The following PLXND1 variants were observed in gnomAD, a reference collection of about 807,000 sequenced individuals.
PLXND1 encodes plexin D1, also known as plexin-D1.
PLXND1 carries 54 observed loss-of-function variants against 197.7 expected under a neutral mutation model. The observed-to-expected ratio is 0.27, with a 90% CI of 0.22 to 0.34. PLXND1 has a LOEUF of 0.34. Among genes scored for constraint, PLXND1 ranks in the 10% least tolerant of loss-of-function variants. The pLI is 1.00. For missense variants in PLXND1, 2,127 were observed against 2,699.2 expected, an observed-to-expected ratio of 0.79 and a Z score of 4.70; for synonymous variants, 1,180 against 1,161.2, an observed-to-expected ratio of 1.02 and a Z score of -0.33.
At chr3:129,567,219 A>AG (rs1297834424) in intron 22 of PLXND1, among the ~76,000 whole-genome samples, 1 of 152,104 alleles carries the variant, frequency 6.6e-6, no homozygotes, top group Non-Finnish European at 1.5e-5. Flanking sequence ...CACCTTGAAA[A>AG]GGGGAGAGGC....
chr3:129,595,352 G>A (rs1029790712), intron 1 of PLXND1, among the ~76,000 whole-genome samples: 2 of 152,336 alleles, frequency 1.3e-5, no homozygotes, highest in Admixed American at 6.5e-5. Context: ...GGACGGACTC[G>A]GTCCTGGGTG....
intron 34 of PLXND1, 148 bp from the exon 35 acceptor site, chr3:129,556,839 G>A (rs2084981547): frequency 3.4e-5 from 24 of 709,594 alleles, no homozygotes; most frequent in South Asian, 3.0e-4. Context: ...TCCCATGGAC[G>A]AAGACGGCTT....
At position 129,605,572 on chromosome 3, in the gene PLXND1, G is replaced by A. The variant is rs977067886; in HGVS notation, c.1068C>T (p.Ser356=). The change falls in exon 1 of 36, where the codon AGC becomes AGT. Residue 356 remains serine (S), a synonymous_variant. Coordinates refer to ENST00000324093, the MANE Select transcript of PLXND1 (RefSeq NM_015103.3). ...AGGAGRGDLY[S]RLVSVFPARE... ...GGGCTGGGAAGACCGACACCAGGCG[G>A]CTGTAGAGGTCGCCGCGGCCCGCGC... 7 of 1,534,274 alleles carry A rather than the reference G, an allele frequency of 4.6e-6. No homozygotes were observed. The highest frequency in any genetic ancestry group is 2.8e-5 in the African/African-American group (2 of 71,818).
At position 129,586,081 on chromosome 3, in the gene PLXND1, C is replaced by T. The variant is rs1578343910; in HGVS notation, c.1722G>A (p.Arg574=). 1.2e-6 allele frequency: 2 copies of T among 1,613,820 alleles called. No individual in the cohort carries two copies. Among genetic ancestry groups the T allele is most frequent in the Non-Finnish European group, 1.7e-6 (2 of 1,179,966 alleles). The change falls in exon 5 of 36, where the codon CGG becomes CGA. Residue 574 remains arginine (R), a splice_region_variant and synonymous_variant. Coordinates refer to ENST00000324093, the MANE Select transcript of PLXND1 (RefSeq NM_015103.3). ...TGGTGCAGTCCTGCTGCAAGGTGCA[C>T]CTGGGGTGGCACCGCAGGGTCAGGA... is the stretch of plus-strand genomic sequence containing the variant. ...AYCGWCALET[R]CTLQQDCTNS... is the part of the protein sequence containing the mutation.
Position 129,578,425 on chromosome 3 carries a change from C to T in PLXND1, c.2250G>A (p.Gln750=). ...CEASPNPTSP[Q]DCPRTLLSPL... is the part of the protein sequence containing the mutation. ...GTGAGAGCAGGGTCCGGGGGCAGTC[C>T]TGAGGGCTCTGCAGAGGAAACAGAA... Residue 750 remains glutamine, a synonymous_variant, in exon 9 of 36, where the codon CAG becomes CAA. Coordinates refer to ENST00000324093, the MANE Select transcript of PLXND1 (RefSeq NM_015103.3). The T allele has an allele frequency of 4.4e-6, 7 of 1,587,926 alleles. No homozygotes were observed. The highest frequency in any genetic ancestry group is 6.0e-6 in the Non-Finnish European group (7 of 1,166,736).
At position 129,563,100 on chromosome 3, in the gene PLXND1, C is replaced by A. The variant is rs1448672576; in HGVS notation, c.4662G>T (p.Lys1554Asn). ...EWLLRENIEA[K>N]PRNLNVSFQG... ...CCCCGCCCTGCCGACTTACCCGGGG[C>A]TTGGCCTCGATGTTCTCCCGCAGCA... Residue 1554 changes from lysine (K) to asparagine (N), a missense_variant, in exon 26 of 36, where the codon AAG (lysine) becomes AAT (asparagine). By Grantham distance (94) the Lys-to-Asn change is moderately conservative. Around this residue, in one of 6 missense-constraint regions of PLXND1, gnomAD observed 532 missense variants for 811.0 expected, o/e 0.66. Coordinates refer to ENST00000324093, the MANE Select transcript of PLXND1 (RefSeq NM_015103.3). The A allele has an allele frequency of 6.2e-7, 1 of 1,613,502 alleles. No homozygotes were observed. Among genetic ancestry groups the A allele is most frequent in the East Asian group, 2.2e-5 (1 of 44,884 alleles).
At chr3:129,584,327 G>C in intron 6 of PLXND1, 58 bp downstream of exon 6, 2 of 1,600,202 alleles carry the variant, frequency 1.2e-6, no homozygotes, top group Non-Finnish European at 1.7e-6. Flanking sequence ...CCATCCCCAT[G>C]CCTGACAGTC....
intron 20 of PLXND1, chr3:129,569,256 A>AAC (rs138575414): frequency 0.6 from 58,910 of 98,610 alleles, 12,459 homozygotes; most frequent in East Asian, 0.67. Context: ...TGTTGCTATA[A>AAC]ACGTGTGTAC....
At chr3:129,598,512 TG>T (rs1446594329) in intron 1 of PLXND1, among the ~76,000 whole-genome samples, 1 of 151,856 alleles carries the variant, frequency 6.6e-6, no homozygotes, top group African/African-American at 2.4e-5. Context: ...TATGTGTGGG[TG>T]GAGACAGCTA....
At chr3:129,565,100 CCT>C (rs2085118298) in intron 25 of PLXND1, among the ~76,000 whole-genome samples, 1 of 152,258 alleles carries the variant, frequency 6.6e-6, no homozygotes, top group African/African-American at 2.4e-5. Flanking sequence ...CCTGACACAA[CCT>C]CTGTTATGCC....
At chr3:129,561,753 G>A (rs373731820) in intron 28 of PLXND1, 44 bp from the exon 29 acceptor site, 25 of 1,541,194 alleles carry the variant, frequency 1.6e-5, no homozygotes, top group Admixed American at 1.3e-4. Flanking sequence ...GGAGGTTGGG[G>A]TGGGGGCATG....
chr3:129,588,529 C>T (rs1282611991), intron 2 of PLXND1, among the ~76,000 whole-genome samples: 6 of 152,246 alleles, frequency 3.9e-5, no homozygotes, highest in African/African-American at 1.4e-4. Flanking sequence ...TTTTCCTCTC[C>T]CCAGCCACAG....
chr3:129,585,087 CTTGA>C (rs2085440017), intron 5 of PLXND1, among the ~76,000 whole-genome samples: 1 of 152,210 alleles, frequency 6.6e-6, no homozygotes, highest in East Asian at 1.9e-4. Flanking sequence ...AGGGGTCTGT[CTTGA>C]TTACTGATGT....
chr3:129,581,858 G>A (rs1441314815), intron 8 of PLXND1, among the ~76,000 whole-genome samples: 1 of 152,258 alleles, frequency 6.6e-6, no homozygotes, highest in Admixed American at 6.5e-5. Flanking sequence ...GCATCCCCTA[G>A]GTTAGCGCAC....
At chr3:129,599,269 T>C (rs932497929) in intron 1 of PLXND1, among the ~76,000 whole-genome samples, 3 of 152,230 alleles carry the variant, frequency 2.0e-5, no homozygotes, top group Non-Finnish European at 2.9e-5. Context: ...CCGGGCCCGA[T>C]GCGCGTGGCC....
At chr3:129,574,883 C>T (rs2085289425) in intron 11 of PLXND1, among the ~76,000 whole-genome samples, 1 of 152,190 alleles carries the variant, frequency 6.6e-6, no homozygotes, top group Admixed American at 6.5e-5. Flanking sequence ...CCCGGCGGGG[C>T]CCTAGGATGC....
chr3:129,575,167 C>A (rs959998668), intron 11 of PLXND1, among the ~76,000 whole-genome samples: 4 of 152,234 alleles, frequency 2.6e-5, no homozygotes, highest in African/African-American at 7.2e-5. Context: ...CCAGATGCCA[C>A]GCTCAAGGTT....
rs762814236 is a variant in PLXND1, at chr3:129,605,458, G to C, written c.1182C>G (p.Ala394=). The change falls in exon 1 of 36, where the codon GCC becomes GCG. Residue 394 remains alanine (A), a synonymous_variant. Transcript: ENST00000324093. ...CAGCTCGGATGGCGGCTCGCACGTC[G>C]GCGAAGCGGAAGGCGCAGAGTGCGG... The part of the protein sequence containing the change: ...APAALCAFRF[A]DVRAAIRAAR... 3 of 1,501,498 alleles carry C rather than the reference G, an allele frequency of 2.0e-6. No individual in the cohort carries two copies. Among genetic ancestry groups the C allele is most frequent in the Non-Finnish European group, 1.8e-6 (2 of 1,132,582 alleles). 93.0% of individuals were successfully genotyped at this position (1,501,498 alleles called of 1,614,324 possible). A position where few individuals can be genotyped will look rare whatever the true frequency, so the allele number is the denominator to read the frequency against.
At chr3:129,569,424 C>A (rs561087290) in intron 20 of PLXND1, 3 of 178,194 alleles carry the variant, frequency 1.7e-5, no homozygotes, top group Non-Finnish European at 3.6e-5. Context: ...CCTCTAGTAG[C>A]GTATGATGGC....
Sources: allele counts gnomAD v4.1 joint callset (sites outside exome capture counted in the v4.1 genomes callset), GRCh38; gene constraint gnomAD v4.1.1; regional missense constraint gnomAD v4.1.1; transcripts MANE v1.5; gene names NCBI Gene and HGNC (gene_info 2026-07-23, HGNC 2026-07-21).